SH3RF2: variants seen among roughly 807,000 people sequenced by gnomAD.
The protein encoded by SH3RF2 is E3 ubiquitin-protein ligase SH3RF2.
Under a neutral mutation model 59.0 loss-of-function variants are expected in SH3RF2, and 43 were observed. The ratio of observed to expected loss-of-function variants is 0.73; its 90% confidence interval spans 0.57 to 0.94. The LOEUF (loss-of-function observed/expected upper bound fraction) is 0.94, where lower values mean the gene tolerates loss of function less well. Ranked by LOEUF, SH3RF2 falls within the 40% of genes least tolerant of loss-of-function variation. The pLI, the probability that SH3RF2 is intolerant of heterozygous loss-of-function variation, is 0.00. For missense variants in SH3RF2, 930 were observed against 940.1 expected (o/e 0.99, Z 0.14); for synonymous variants, 391 against 391.5 (o/e 1.00, Z 0.01).
chr5:146,066,446 C>G (rs563625559), downstream of SH3RF2, among the ~76,000 whole-genome samples: 30 of 152,282 alleles, frequency 2.0e-4, no homozygotes, highest in Non-Finnish European at 1.0e-4. Context: ...TACAAAGTGA[C>G]TTAAACAGTG....
At chr5:146,013,636 A>G (rs1225037641) in intron 4 of SH3RF2, 111 bp from the exon 5 acceptor site, 1 of 1,083,756 alleles carries the variant, frequency 9.2e-7, no homozygotes, top group African/African-American at 1.6e-5. Context: ...CATCTGAGCC[A>G]GTGACTGAGG....
intron 4 of SH3RF2, among the ~76,000 whole-genome samples, chr5:146,011,777 T>C (rs1417452187): frequency 6.6e-6 from 1 of 152,250 alleles, no homozygotes; most frequent in Non-Finnish European, 1.5e-5. Context: ...AAGGAGATTT[T>C]GGGCTAAGAC....
intron 7 of SH3RF2, among the ~76,000 whole-genome samples, chr5:146,052,407 A>G (rs1050332653): frequency 1.3e-5 from 2 of 152,288 alleles, no homozygotes; most frequent in East Asian, 3.9e-4. Flanking sequence ...AGATGCCTAC[A>G]TGTCAGGCAA....
chr5:145,986,397 C>T (rs184490163), intron 2 of SH3RF2, among the ~76,000 whole-genome samples: 41 of 152,212 alleles, frequency 2.7e-4, no homozygotes, highest in African/African-American at 9.2e-4. Context: ...TTTCTCAAAC[C>T]ATATGGAAAA....
At chr5:145,964,310 TTC>T (rs1482384095) in intron 2 of SH3RF2, among the ~76,000 whole-genome samples, 9 of 141,282 alleles carry the variant, frequency 6.4e-5, no homozygotes, top group Admixed American at 5.0e-4. Context: ...CTTCCTTTCT[TTC>T]TTTTTTTTTT....
At chr5:145,983,845 T>C (rs1431563078) in intron 2 of SH3RF2, among the ~76,000 whole-genome samples, 1 of 152,202 alleles carries the variant, frequency 6.6e-6, no homozygotes, top group Non-Finnish European at 1.5e-5. Flanking sequence ...GATGTAGATA[T>C]AGCTCAAGGC....
chr5:146,034,341 C>T (rs1249020541), intron 5 of SH3RF2, among the ~76,000 whole-genome samples: 3 of 152,194 alleles, frequency 2.0e-5, no homozygotes, highest in Non-Finnish European at 4.4e-5. Context: ...AGCTGAACCT[C>T]TCCAGGCACC....
intron 5 of SH3RF2, among the ~76,000 whole-genome samples, chr5:146,032,093 T>C (rs981451410): frequency 2.6e-4 from 39 of 152,258 alleles, no homozygotes; most frequent in Admixed American, 2.4e-3. Flanking sequence ...TTATGGTGTA[T>C]ATTTTATTCG....
chr5:146,022,145 C>A (rs1456744609), intron 5 of SH3RF2, among the ~76,000 whole-genome samples: 2 of 152,158 alleles, frequency 1.3e-5, no homozygotes, highest in Non-Finnish European at 2.9e-5. Context: ...CAGCAATTAT[C>A]CACTAATGGG....
rs768385500 is a variant in SH3RF2, at chr5:146,019,929, C to T, written c.1059+5868C>T. On this transcript the variant is annotated intron_variant, in intron 5 of 9. Transcript: ENST00000359120. ...CAGCTTGTTTGTTGTTGGTGTATAG[C>T]GATGCTGCTGATTTGTGTACATCGA... Among the ~76,000 whole-genome samples the T allele has an allele frequency of 4.6e-5, 7 of 152,098 alleles. No homozygotes were observed. The East Asian group carries it at 5.8e-4, about 13-fold the overall frequency.
chr5:146,007,463 A>G (rs1395320283), intron 4 of SH3RF2, among the ~76,000 whole-genome samples: 1 of 152,196 alleles, frequency 6.6e-6, no homozygotes, highest in African/African-American at 2.4e-5. Flanking sequence ...AGGATGATTC[A>G]GTCAGTGGTT....
chr5:145,994,098 G>A (rs1760057877), intron 2 of SH3RF2, among the ~76,000 whole-genome samples: 3 of 152,112 alleles, frequency 2.0e-5, no homozygotes, highest in South Asian at 2.1e-4. Flanking sequence ...AAATCTCTAG[G>A]GCAGGTGCAA....
At chr5:145,941,638 G>T (rs538503604) in intron 2 of SH3RF2, among the ~76,000 whole-genome samples, 3 of 152,292 alleles carry the variant, frequency 2.0e-5, no homozygotes, top group African/African-American at 4.8e-5. Context: ...ATTTAGGATA[G>T]GTGGTAAAGC....
chr5:146,061,397 C>G (rs1762885186), intron 9 of SH3RF2, among the ~76,000 whole-genome samples: 1 of 152,122 alleles, frequency 6.6e-6, no homozygotes, highest in South Asian at 2.1e-4. Context: ...AGTTCTTATT[C>G]TGAATTATAG....
rs552844684 is a variant in SH3RF2, at chr5:145,982,612, C to T, written c.379-17446C>T. 2.6e-5 allele frequency among the ~76,000 whole-genome samples: 4 copies of T among 152,304 alleles called. No individual in the cohort carries two copies. In the South Asian group the frequency reaches 6.2e-4, roughly 24 times the overall value. On this transcript the variant is annotated intron_variant, in intron 2 of 9. Coordinates refer to ENST00000359120, the MANE Select transcript of SH3RF2 (RefSeq NM_152550.4). ...TATCATTCATGGATTCATTCCTTCT[C>T]ACAATACTTATTGGGCCAGACACTG...
intron 2 of SH3RF2, among the ~76,000 whole-genome samples, chr5:145,950,637 GAGA>G (rs538355064): frequency 3.2e-4 from 48 of 152,218 alleles, no homozygotes; most frequent in Admixed American, 2.6e-3. Flanking sequence ...ATAAAAACCG[GAGA>G]AGAAGGAGGA....
At chr5:146,017,910 C>T (rs183297798) in intron 5 of SH3RF2, among the ~76,000 whole-genome samples, 1 of 152,128 alleles carries the variant, frequency 6.6e-6, no homozygotes, top group African/African-American at 2.4e-5. Context: ...AGCCACTTCT[C>T]TTCCCCAAAC....
intron 7 of SH3RF2, among the ~76,000 whole-genome samples, chr5:146,051,806 A>T (rs1478681098): frequency 1.3e-5 from 2 of 152,192 alleles, no homozygotes; most frequent in Admixed American, 1.3e-4. Flanking sequence ...GATGCTATTT[A>T]AAGCCCTGAA....
At chr5:146,062,334 C>T in intron 9 of SH3RF2, 92 bp from the exon 10 acceptor site, 1 of 1,466,416 alleles carries the variant, frequency 6.8e-7, no homozygotes, top group Non-Finnish European at 9.3e-7. Context: ...GCAGAATGAA[C>T]ACATAAATGA....
Sources: gnomAD v4.1 joint callset for allele counts (sites outside exome capture counted in the v4.1 genomes callset) on GRCh38, gnomAD v4.1.1 for gene constraint, MANE v1.5 for transcripts, NCBI Gene and HGNC (gene_info 2026-07-23, HGNC 2026-07-21) for gene names.